GRM5: variants seen among roughly 807,000 people sequenced by gnomAD.
GRM5 encodes glutamate metabotropic receptor 5.
A neutral mutation model predicts 83.1 loss-of-function variants in GRM5; 19 were observed. The ratio of observed to expected loss-of-function variants is 0.23; its 90% CI spans 0.16 to 0.34. GRM5 has a LOEUF of 0.34. GRM5 is among the 10% of genes least tolerant of loss of function. The pLI is 1.00. For missense variants in GRM5, 1,160 were observed against 1,588.3 expected (o/e 0.73, Z 4.58); for synonymous variants, 675 against 633.6 (o/e 1.07, Z -0.98).
intron 3 of GRM5, among the ~76,000 whole-genome samples, chr11:88,773,756 G>A (rs1468601442): frequency 6.6e-6 from 1 of 152,080 alleles, no homozygotes; most frequent in African/African-American, 2.4e-5. Context: ...AAAATCAGAT[G>A]GTTGTAGATG....
At chr11:88,615,343 T>C (rs1027622622) in intron 4 of GRM5, among the ~76,000 whole-genome samples, 1 of 152,156 alleles carries the variant, frequency 6.6e-6, no homozygotes, top group Non-Finnish European at 1.5e-5. Context: ...TTTTGTAATT[T>C]CTTATTAAGT....
At chr11:88,786,506 C>T (rs1467563051) in intron 3 of GRM5, among the ~76,000 whole-genome samples, 1 of 152,130 alleles carries the variant, frequency 6.6e-6, no homozygotes, top group Non-Finnish European at 1.5e-5. Context: ...TCTCTTTCAA[C>T]TCATCTCAGC....
intron 7 of GRM5, among the ~76,000 whole-genome samples, chr11:88,568,619 G>A (rs529840153): frequency 8.5e-5 from 13 of 152,278 alleles, no homozygotes; most frequent in East Asian, 1.9e-4. Context: ...TTGTGTGTGC[G>A]TGTGTGTTTT....
At chr11:88,816,325 G>A (rs1449138744) in intron 3 of GRM5, among the ~76,000 whole-genome samples, 2 of 150,214 alleles carry the variant, frequency 1.3e-5, no homozygotes, top group Non-Finnish European at 3.0e-5. Flanking sequence ...TGGATCATGA[G>A]ATTAGGAATT....
At chr11:88,574,473 G>T (rs1943064278) in intron 7 of GRM5, among the ~76,000 whole-genome samples, 1 of 152,006 alleles carries the variant, frequency 6.6e-6, no homozygotes, top group South Asian at 2.1e-4. Flanking sequence ...TTTCATATTA[G>T]AAATATTCCT....
chr11:88,950,396 G>A (rs1488933954), intron 2 of GRM5, among the ~76,000 whole-genome samples: 1 of 151,248 alleles, frequency 6.6e-6, no homozygotes, highest in East Asian at 2.0e-4. Context: ...TATGCACAGA[G>A]AGGGAAATAA....
intron 2 of GRM5, among the ~76,000 whole-genome samples, chr11:89,044,427 T>C (rs747549487): frequency 2.6e-5 from 4 of 152,122 alleles, no homozygotes; most frequent in Non-Finnish European, 5.9e-5. Context: ...GTGTAAGAGA[T>C]TAACATCGAA....
chr11:88,589,243 G>A (rs1937601310), intron 7 of GRM5, among the ~76,000 whole-genome samples: 1 of 152,056 alleles, frequency 6.6e-6, no homozygotes, highest in Admixed American at 6.6e-5. Context: ...TACTGTGTGT[G>A]TGCACACAGG....
At chr11:89,037,989 T>C (rs1941433436) in intron 2 of GRM5, among the ~76,000 whole-genome samples, 1 of 152,168 alleles carries the variant, frequency 6.6e-6, no homozygotes, top group Non-Finnish European at 1.5e-5. Flanking sequence ...TATGATGTAA[T>C]ACATGTTGAT....
chr11:88,680,705 A>G (rs12363343), intron 3 of GRM5, among the ~76,000 whole-genome samples: 2,854 of 152,298 alleles, frequency 0.019, 69 homozygotes, highest in East Asian at 0.096. Context: ...CACTATTCAC[A>G]ATAGCAAAGA....
intron 3 of GRM5, among the ~76,000 whole-genome samples, chr11:88,677,533 G>T (rs1940364463): frequency 6.6e-6 from 1 of 152,112 alleles, no homozygotes; most frequent in Non-Finnish European, 1.5e-5. Flanking sequence ...AGAGAAATTA[G>T]CCCAAGAATG....
At chr11:88,898,375 G>A (rs1229073433) in intron 2 of GRM5, among the ~76,000 whole-genome samples, 1 of 151,928 alleles carries the variant, frequency 6.6e-6, no homozygotes, top group Non-Finnish European at 1.5e-5. Flanking sequence ...GTAGTAATGG[G>A]CATTTGGACT....
chr11:88,958,111 A>G (rs985341780), intron 2 of GRM5, among the ~76,000 whole-genome samples: 1 of 151,850 alleles, frequency 6.6e-6, no homozygotes, highest in African/African-American at 2.4e-5. Flanking sequence ...TCCCCAACCT[A>G]TGCCCTCCAG....
At chr11:88,575,346 A>G (rs1943088078) in intron 7 of GRM5, among the ~76,000 whole-genome samples, 1 of 152,208 alleles carries the variant, frequency 6.6e-6, no homozygotes, top group South Asian at 2.1e-4. Flanking sequence ...GGGCAGTATG[A>G]AGCTTAATTA....
intron 3 of GRM5, among the ~76,000 whole-genome samples, chr11:88,794,503 T>G (rs1164012816): frequency 6.6e-6 from 1 of 152,184 alleles, no homozygotes; most frequent in African/African-American, 2.4e-5. Context: ...TAAAAAAATA[T>G]TCTGTTAGAC....
intron 8 of GRM5, among the ~76,000 whole-genome samples, chr11:88,558,064 A>G (rs906166048): frequency 6.6e-6 from 1 of 152,064 alleles, no homozygotes; most frequent in Non-Finnish European, 1.5e-5. Flanking sequence ...GAGCTTTTCC[A>G]AAGGGCAGGC....
chr11:88,650,850 T>C (rs10831231), intron 4 of GRM5, among the ~76,000 whole-genome samples: 103,530 of 151,930 alleles, frequency 0.68, 41,179 homozygotes, highest in Non-Finnish European at 0.9. Context: ...GTTTAATAGT[T>C]ATATGACTGG....
chr11:88,770,278 G>A (rs1164579631), intron 3 of GRM5, among the ~76,000 whole-genome samples: 1 of 151,884 alleles, frequency 6.6e-6, no homozygotes. Flanking sequence ...AACAGAAAAA[G>A]GGCATTAGAT....
intron 2 of GRM5, among the ~76,000 whole-genome samples, chr11:88,935,784 C>T (rs1458500990): frequency 1.3e-5 from 2 of 151,814 alleles, no homozygotes; most frequent in Non-Finnish European, 2.9e-5. Flanking sequence ...TTAGGTTGTT[C>T]ATATATTATT....
Sources: allele counts gnomAD v4.1 joint callset (sites outside exome capture counted in the v4.1 genomes callset), GRCh38; gene constraint gnomAD v4.1.1; transcripts MANE v1.5; gene names NCBI Gene and HGNC (gene_info 2026-07-23, HGNC 2026-07-21).